Variants in PCDHGA4 observed in about 807,000 individuals in gnomAD.
The protein encoded by PCDHGA4 is protocadherin gamma subfamily A, 4.
A neutral mutation model predicts 54.6 loss-of-function variants in PCDHGA4; 38 were observed. The observed-to-expected ratio is 0.70, with a 90% CI of 0.54 to 0.91. The LOEUF (loss-of-function observed/expected upper bound fraction) is 0.91, where lower values mean the gene tolerates loss of function less well. Ranked by LOEUF, PCDHGA4 falls within the 40% of genes least tolerant of loss-of-function variation. PCDHGA4 has a pLI of 0.00. For missense variants in PCDHGA4, 1,298 were observed against 1,220.9 expected, an observed-to-expected ratio of 1.06 and a Z score of -0.94; for synonymous variants, 511 against 512.9, an observed-to-expected ratio of 1.00 and a Z score of 0.05.
chr5:141,373,545 G>A (rs1396644712), intron 1 of PCDHGA4, among the ~76,000 whole-genome samples: 1 of 152,122 alleles, frequency 6.6e-6, no homozygotes, highest in African/African-American at 2.4e-5. Context: ...TGTGGTTGTT[G>A]GTACCCTTAC....
chr5:141,400,590 T>G (rs775174347), intron 1 of PCDHGA4: 2 of 1,604,848 alleles, frequency 1.2e-6, no homozygotes, highest in South Asian at 1.1e-5. Flanking sequence ...CATGAAACTA[T>G]CGTACATTTT....
At chr5:141,392,956 T>A (rs769377200) in intron 1 of PCDHGA4, 3 of 1,613,820 alleles carry the variant, frequency 1.9e-6, no homozygotes, top group South Asian at 1.1e-5. Context: ...GTGGGTAATA[T>A]CTCCAAGGAC....
At chr5:141,362,244 C>T (rs1380837904) in intron 1 of PCDHGA4, 4 of 1,613,944 alleles carry the variant, frequency 2.5e-6, no homozygotes, top group Admixed American at 3.3e-5. Context: ...CAGTGCTCTT[C>T]TTCCTCGCGG....
At chr5:141,409,447 A>G (rs764648085) in intron 1 of PCDHGA4, 3 of 1,614,008 alleles carry the variant, frequency 1.9e-6, no homozygotes, top group Admixed American at 1.7e-5. Flanking sequence ...GAGAGCAGAC[A>G]CCAGAATACA....
intron 1 of PCDHGA4, among the ~76,000 whole-genome samples, chr5:141,472,437 G>A (rs1332528325): frequency 6.6e-6 from 1 of 152,116 alleles, no homozygotes; most frequent in Non-Finnish European, 1.5e-5. Flanking sequence ...CTACTAGGGA[G>A]GCTGAGGCAG....
chr5:141,400,803 A>G, intron 1 of PCDHGA4: 1 of 556,958 alleles, frequency 1.8e-6, no homozygotes, highest in South Asian at 2.5e-5. Context: ...CTCAAAGCTA[A>G]TGAATTTTAC....
intron 1 of PCDHGA4, among the ~76,000 whole-genome samples, chr5:141,426,008 T>G (rs2096909040): frequency 6.6e-6 from 1 of 152,224 alleles, no homozygotes; most frequent in South Asian, 2.1e-4. Context: ...GGCTTCCGGC[T>G]GCAGTTTTCT....
chr5:141,477,191 A>C lies in PCDHGA4; in HGVS notation c.2515-17616A>C. 1 of 1,614,210 alleles carries C rather than the reference A, an allele frequency of 6.2e-7. No individual in the cohort carries two copies. The highest frequency in any genetic ancestry group is 1.1e-5 in the South Asian group (1 of 91,086). ...GGAGATCACAGTCACCTCCGTGTAC[A>C]GCCCAGTACCCGAGGATGCCCCTCT... On this transcript the variant is annotated intron_variant, in intron 1 of 3. Coordinates refer to ENST00000571252, the MANE Select transcript of PCDHGA4 (RefSeq NM_018917.4). This position sits in a 1 kb window ranked among gnomAD's most constrained non-coding sequence, Gnocchi z 4.9.
At chr5:141,389,640 G>A in intron 1 of PCDHGA4, 1 of 1,612,974 alleles carries the variant, frequency 6.2e-7, no homozygotes, top group Non-Finnish European at 8.5e-7. Flanking sequence ...TGGCTACTTG[G>A]TGACCAAGGT....
At chr5:141,395,538 T>C (rs1459118809) in intron 1 of PCDHGA4, 1 of 225,772 alleles carries the variant, frequency 4.4e-6, no homozygotes, top group Non-Finnish European at 7.1e-6. Context: ...AATTTTGCTA[T>C]TGTTTGTGTG....
At chr5:141,394,952 G>A (rs764724660) in intron 1 of PCDHGA4, 13 of 1,613,738 alleles carry the variant, frequency 8.1e-6, no homozygotes, top group African/African-American at 6.7e-5. Context: ...TGCTTCTGGG[G>A]CTCAGGCTGA....
At chr5:141,366,757 T>C in intron 1 of PCDHGA4, 1 of 1,606,518 alleles carries the variant, frequency 6.2e-7, no homozygotes, top group African/African-American at 1.3e-5. Context: ...TTCAGGTTAG[T>C]TTTCTCTTTC....
At position 141,357,059 on chromosome 5, in the gene PCDHGA4, G is replaced by A; in HGVS notation, c.1952G>A (p.Gly651Glu). ...AGCGAGCCGGGACTATTTGCAGTGG[G>A]GCTGCACACAGGCGAGGTGCGCACC... is the stretch of plus-strand genomic sequence containing the variant. Reference protein sequence around the residue: ...KSSEPGLFAVGLHTGEVRTAR... With the variant: ...KSSEPGLFAVELHTGEVRTAR... Residue 651 changes from glycine to glutamate, a missense_variant, in exon 1 of 4, where the codon GGG becomes GAG. Gly to Glu is a moderately conservative substitution (Grantham distance 98). Coordinates refer to ENST00000571252, the MANE Select transcript of PCDHGA4 (RefSeq NM_018917.4). The A allele has an allele frequency of 6.2e-7, 1 of 1,613,980 alleles. No individual in the cohort carries two copies. The highest frequency in any genetic ancestry group is 1.1e-5 in the South Asian group (1 of 91,090).
intron 1 of PCDHGA4, chr5:141,398,274 C>G (rs1323516270): frequency 7.1e-7 from 1 of 1,416,776 alleles, no homozygotes; most frequent in African/African-American, 1.5e-5. Context: ...TAGTGGGGAA[C>G]CTCGCCACGG....
At chr5:141,385,066 C>A (rs1780827434) in intron 1 of PCDHGA4, 1 of 1,614,194 alleles carries the variant, frequency 6.2e-7, no homozygotes, top group Non-Finnish European at 8.5e-7. Flanking sequence ...GCACAAGTCA[C>A]GCCTGCTGCA....
chr5:141,359,281 T>A (rs1761165080), intron 1 of PCDHGA4, among the ~76,000 whole-genome samples: 1 of 152,142 alleles, frequency 6.6e-6, no homozygotes, highest in Non-Finnish European at 1.5e-5. Context: ...GCTCAATTGG[T>A]CTGAAACTGT....
chr5:141,383,186 G>A (rs760844021), intron 1 of PCDHGA4: 4 of 1,614,100 alleles, frequency 2.5e-6, no homozygotes, highest in Non-Finnish European at 3.4e-6. Flanking sequence ...GAAGAGATCT[G>A]CGCTCAGAGT....
At chr5:141,388,880 G>A (rs1426155590) in intron 1 of PCDHGA4, 1 of 1,613,982 alleles carries the variant, frequency 6.2e-7, no homozygotes, top group Non-Finnish European at 8.5e-7. Flanking sequence ...GCACAGTGGA[G>A]GTAGAAGTCA....
intron 1 of PCDHGA4, chr5:141,421,172 G>T: frequency 7.3e-7 from 1 of 1,366,164 alleles, no homozygotes. Flanking sequence ...AGATACATAA[G>T]CCGATTCACA....
Sources: gnomAD v4.1 joint callset for allele counts (sites outside exome capture counted in the v4.1 genomes callset) on GRCh38, gnomAD v4.1.1 for gene constraint, Gnocchi (gnomAD v3.1) non-coding constraint, MANE v1.5 for transcripts, NCBI Gene and HGNC (gene_info 2026-07-23, HGNC 2026-07-21) for gene names.